Variants in DYNC2H1 observed in about 807,000 individuals in gnomAD.
The protein encoded by DYNC2H1 is dynein cytoplasmic 2 heavy chain 1.
A neutral mutation model predicts 570.0 loss-of-function variants in DYNC2H1; 410 were observed. The ratio of observed to expected loss-of-function variants is 0.72; its 90% CI spans 0.66 to 0.78. The LOEUF is 0.78. DYNC2H1 is among the 30% of genes least tolerant of loss of function. The pLI is 0.00. For synonymous variants in DYNC2H1, 1,688 were observed against 1,677.6 expected (o/e 1.01, Z -0.15); for missense variants, 4,865 against 5,046.4 (o/e 0.96, Z 1.09).
intron 12 of DYNC2H1, 133 bp from the exon 13 acceptor site, chr11:103,128,777 A>G: frequency 1.5e-6 from 1 of 669,108 alleles, no homozygotes. Context: ...CAAATGCCCT[A>G]TTGGAGATGA....
chr11:103,141,537 T>G (rs980348855), intron 17 of DYNC2H1, among the ~76,000 whole-genome samples: 3 of 152,224 alleles, frequency 2.0e-5, no homozygotes, highest in African/African-American at 2.4e-5. Context: ...GAACCACGAA[T>G]GCTGCTGTCT....
chr11:103,279,740 T>A (rs1433250453), intron 70 of DYNC2H1, among the ~76,000 whole-genome samples: 1 of 152,216 alleles, frequency 6.6e-6, no homozygotes, highest in Admixed American at 6.5e-5. Flanking sequence ...AGTACTGGGT[T>A]ATCTGATAGT....
chr11:103,346,929 T>G (rs1405304985), intron 82 of DYNC2H1, among the ~76,000 whole-genome samples: 4 of 152,196 alleles, frequency 2.6e-5, no homozygotes, highest in Admixed American at 6.5e-5. Flanking sequence ...TGGGGGTGTT[T>G]GCAAGAGAAG....
At chr11:103,206,466 G>T (rs1862929822) in intron 52 of DYNC2H1, among the ~76,000 whole-genome samples, 1 of 152,012 alleles carries the variant, frequency 6.6e-6, no homozygotes, top group South Asian at 2.1e-4. Flanking sequence ...GATATTTAAA[G>T]CTATAAGAAT....
chr11:103,350,871 C>A (rs1940019727), intron 82 of DYNC2H1, among the ~76,000 whole-genome samples: 1 of 152,050 alleles, frequency 6.6e-6, no homozygotes, highest in Non-Finnish European at 1.5e-5. Context: ...TAATTACCTC[C>A]TTGGAGGCCA....
intron 85 of DYNC2H1, among the ~76,000 whole-genome samples, chr11:103,451,735 G>A (rs1358307231): frequency 6.6e-6 from 1 of 151,990 alleles, no homozygotes; most frequent in African/African-American, 2.4e-5. Flanking sequence ...GCAACCCTTA[G>A]CAACATTTAA....
intron 82 of DYNC2H1, among the ~76,000 whole-genome samples, chr11:103,337,542 C>A (rs1939209449): frequency 6.6e-6 from 1 of 152,290 alleles, no homozygotes; most frequent in Admixed American, 6.5e-5. Flanking sequence ...TCCGTAGCAT[C>A]CATTATTTTT....
chr11:103,448,371 C>T (rs1044309868), intron 85 of DYNC2H1, among the ~76,000 whole-genome samples: 1 of 152,070 alleles, frequency 6.6e-6, no homozygotes, highest in Non-Finnish European at 1.5e-5. Context: ...TAAAAAGATA[C>T]CTCTTCCACA....
intron 36 of DYNC2H1, among the ~76,000 whole-genome samples, chr11:103,175,417 C>T (rs1295909335): frequency 6.6e-6 from 1 of 152,066 alleles, no homozygotes; most frequent in East Asian, 1.9e-4. Context: ...AATATTTAAA[C>T]CATACCTGTA....
intron 75 of DYNC2H1, among the ~76,000 whole-genome samples, chr11:103,292,025 C>A (rs1337397468): frequency 6.6e-6 from 1 of 152,004 alleles, no homozygotes; most frequent in Non-Finnish European, 1.5e-5. Flanking sequence ...TTCTCTTTTA[C>A]TTGGAGAATT....
At position 103,116,596 on chromosome 11, in the gene DYNC2H1, C is replaced by T. The variant is rs530827713; in HGVS notation, c.648C>T (p.Ser216=). ...AREFYNLDSL[S]LLEVVDLVET... is the part of the protein sequence containing the mutation. ...AGTTTTATAACTTGGACAGTCTATCCTTACTAGAAGTTGTTGACTTGGTGG... is the reference window on the plus strand; with the variant it reads ...AGTTTTATAACTTGGACAGTCTATCTTTACTAGAAGTTGTTGACTTGGTGG... Residue 216 remains serine (S), a synonymous_variant, in exon 5 of 89, where the codon TCC becomes TCT. Transcript: ENST00000375735. 46 of 1,605,330 alleles carry T rather than the reference C, an allele frequency of 2.9e-5. No homozygotes were observed. The South Asian group carries it at 4.2e-4, about 15-fold the overall frequency.
intron 79 of DYNC2H1, 77 bp from the exon 80 acceptor site, chr11:103,316,468 T>G (rs1937847754): frequency 4.1e-6 from 4 of 982,864 alleles, no homozygotes; most frequent in Non-Finnish European, 5.9e-6. Flanking sequence ...GATCATTTAA[T>G]TTAAAGACAG....
rs1320864316 is a variant in DYNC2H1 at position 103,188,548 on chromosome 11, GA to G, written c.7196del (p.Asn2399IlefsTer32). The G allele has an allele frequency of 2.5e-6, 4 of 1,610,302 alleles. No individual in the cohort carries two copies. In the Admixed American group the frequency reaches 6.7e-5, roughly 27 times the overall value. On this transcript the variant is annotated frameshift_variant, in exon 44 of 89. Coordinates refer to ENST00000375735, the MANE Select transcript of DYNC2H1 (RefSeq NM_001377.3). LOFTEE classifies it high-confidence loss of function. ...YDENLEWVGL[E>X]NIQIVASMSA... is the part of the protein sequence containing the mutation. ...TGAAAATTTGGAATGGGTTGGTCTAGAAAATATTCAAATTGTGGCTTCTATG... is the reference window on the plus strand; with the variant it reads ...TGAAAATTTGGAATGGGTTGGTCTAGAAATATTCAAATTGTGGCTTCTATG...
At chr11:103,377,882 A>G (rs1222040309) in intron 83 of DYNC2H1, among the ~76,000 whole-genome samples, 1 of 152,168 alleles carries the variant, frequency 6.6e-6, no homozygotes, top group Non-Finnish European at 1.5e-5. Context: ...GATTACAGGC[A>G]TGTGCCATCA....
chr11:103,159,390 T>C (rs541150758), intron 28 of DYNC2H1, among the ~76,000 whole-genome samples: 1 of 152,250 alleles, frequency 6.6e-6, no homozygotes, highest in South Asian at 2.1e-4. Flanking sequence ...TGCAAAGGCC[T>C]GTAGTGAAGG....
intron 5 of DYNC2H1, among the ~76,000 whole-genome samples, chr11:103,117,126 G>A (rs1413304336): frequency 2.0e-5 from 3 of 149,236 alleles, no homozygotes; most frequent in Admixed American, 1.3e-4. Flanking sequence ...TGTTTGTGAT[G>A]AGCAGAAGTA....
chr11:103,387,264 T>C (rs1287736339), intron 83 of DYNC2H1, among the ~76,000 whole-genome samples: 6 of 152,214 alleles, frequency 3.9e-5, no homozygotes, highest in Admixed American at 1.3e-4. Context: ...ATGATGAGCA[T>C]TTTTTCATGT....
chr11:103,117,603 T>C, intron 5 of DYNC2H1, 28 bp from the exon 6 acceptor site: 1 of 1,508,080 alleles, frequency 6.6e-7, no homozygotes, highest in Non-Finnish European at 8.9e-7. Context: ...TTTATTTCCC[T>C]TAAACTCTTT....
At chr11:103,265,321 A>T (rs72971596) in intron 70 of DYNC2H1, among the ~76,000 whole-genome samples, 2 of 152,218 alleles carry the variant, frequency 1.3e-5, no homozygotes, top group Non-Finnish European at 2.9e-5. Flanking sequence ...CGGCACATGT[A>T]TAACTATGTA....
Sources: gnomAD v4.1 joint callset for allele counts (sites outside exome capture counted in the v4.1 genomes callset) on GRCh38, gnomAD v4.1.1 for gene constraint, MANE v1.5 for transcripts, NCBI Gene and HGNC (gene_info 2026-07-23, HGNC 2026-07-21) for gene names.